The following THSD7B variants were observed in gnomAD, a reference collection of about 807,000 sequenced individuals.
THSD7B encodes the protein thrombospondin type-1 domain-containing protein 7B.
A neutral mutation model predicts 213.6 loss-of-function variants in THSD7B; 138 were observed. The ratio of observed to expected loss-of-function variants is 0.65; its 90% CI spans 0.56 to 0.74. The LOEUF is 0.74. Among genes scored for constraint, THSD7B ranks in the 30% least tolerant of loss-of-function variants. The probability of loss-of-function intolerance (pLI) is 0.00; values close to 1 mark genes in which losing one functional copy is unlikely to be tolerated. For synonymous variants in THSD7B, 742 were observed against 687.0 expected (o/e 1.08, Z -1.25); for missense variants, 1,931 against 1,991.5 (o/e 0.97, Z 0.58).
rs191115373 is a variant in THSD7B at position 137,653,047 on chromosome 2, C to T, written c.3946-2454C>T. The stretch of plus-strand genomic sequence containing the variant: ...ATGTGCTTAATTTTTCCTGTGATTT[C>T]GTTTTGCACATTTGTGTTTTGTTCT... On this transcript the variant is annotated intron_variant, in intron 21 of 27. Coordinates refer to ENST00000409968, the MANE Select transcript of THSD7B (RefSeq NM_001316349.2). Among the ~76,000 whole-genome samples the T allele has an allele frequency of 8.5e-4, 129 of 152,174 alleles. 2 individuals carry two copies. Among genetic ancestry groups the T allele is most frequent in the African/African-American group, 3.0e-3 (123 of 41,520 alleles).
intron 7 of THSD7B, among the ~76,000 whole-genome samples, chr2:137,204,782 G>A (rs1680948954): frequency 6.6e-6 from 1 of 151,708 alleles, no homozygotes; most frequent in Non-Finnish European, 1.5e-5. Flanking sequence ...ATGATTTGCA[G>A]TATGTGTCAT....
intron 20 of THSD7B, among the ~76,000 whole-genome samples, chr2:137,636,865 T>C (rs1682842558): frequency 6.6e-6 from 1 of 152,218 alleles, no homozygotes; most frequent in Non-Finnish European, 1.5e-5. Flanking sequence ...TCTGTGTTTT[T>C]TCTATAGATA....
chr2:137,417,894 T>G lies in THSD7B; in HGVS notation c.2959+6022T>G, dbSNP rs147702363. The stretch of plus-strand genomic sequence containing the variant: ...CTCTCCCAGAAAGAAATAGAAACTT[T>G]TTAGTTATATGAAATTCTTGCCAAA... On this transcript the variant is annotated intron_variant, in intron 14 of 27. Transcript: ENST00000409968. Among the ~76,000 whole-genome samples the G allele has an allele frequency of 1.6e-4, 24 of 152,304 alleles. No homozygotes were observed. The East Asian group carries it at 4.6e-3, about 29-fold the overall frequency.
At chr2:137,054,755 A>C (rs540207793) in intron 2 of THSD7B, among the ~76,000 whole-genome samples, 1 of 151,146 alleles carries the variant, frequency 6.6e-6, no homozygotes, top group Admixed American at 6.6e-5. Context: ...TACCTAGTTA[A>C]GCTGATAAAA....
At chr2:137,352,736 G>A (rs1314402019) in intron 12 of THSD7B, among the ~76,000 whole-genome samples, 1 of 151,960 alleles carries the variant, frequency 6.6e-6, no homozygotes, top group Non-Finnish European at 1.5e-5. Flanking sequence ...GGTAACTGAT[G>A]TAGTGCTTCC....
rs376805206 is a variant in THSD7B, at chr2:137,618,420, C to A, written c.3594C>A (p.Asn1198Lys). The change falls in exon 19 of 28, where the codon AAC becomes AAA. Residue 1198 changes from asparagine (N) to lysine (K), a missense_variant. Physicochemically the swap from Asn to Lys is moderately conservative, Grantham distance 94. Coordinates refer to ENST00000409968, the MANE Select transcript of THSD7B (RefSeq NM_001316349.2). ...GGAGCACATGCCAGCTGAGTGAAAACGCACCCTGTGGTCAAGGCGTCAGGA... is the reference window on the plus strand; with the variant it reads ...GGAGCACATGCCAGCTGAGTGAAAAAGCACCCTGTGGTCAAGGCGTCAGGA... ...TEWSTCQLSENAPCGQGVRTR... is the reference protein window; with the variant it reads ...TEWSTCQLSEKAPCGQGVRTR... 5 of 1,613,710 alleles carry A rather than the reference C, an allele frequency of 3.1e-6. No homozygotes were observed. The highest frequency in any genetic ancestry group is 1.3e-5 in the African/African-American group (1 of 74,922).
At chr2:137,207,941 A>C (rs1051654082) in intron 7 of THSD7B, among the ~76,000 whole-genome samples, 2 of 152,050 alleles carry the variant, frequency 1.3e-5, no homozygotes, top group East Asian at 3.9e-4. Flanking sequence ...TAAAGAGTTT[A>C]ATTAATGCAA....
chr2:137,299,585 G>A (rs1020680267), intron 12 of THSD7B, among the ~76,000 whole-genome samples: 9 of 152,074 alleles, frequency 5.9e-5, no homozygotes, highest in African/African-American at 2.2e-4. Context: ...CTCAGAGGGT[G>A]AGGCTACAAA....
intron 5 of THSD7B, among the ~76,000 whole-genome samples, chr2:137,121,419 G>A (rs1688544028): frequency 6.6e-6 from 1 of 152,148 alleles, no homozygotes; most frequent in African/African-American, 2.4e-5. Flanking sequence ...GGAAGAACAT[G>A]TGCAATGTGT....
chr2:137,658,767 CA>C (rs1394153875), intron 24 of THSD7B, among the ~76,000 whole-genome samples: 1 of 152,160 alleles, frequency 6.6e-6, no homozygotes, highest in African/African-American at 2.4e-5. Context: ...GCTTCATTCC[CA>C]GGGACAATGT....
At chr2:137,593,650 T>G (rs1681905671) in intron 17 of THSD7B, among the ~76,000 whole-genome samples, 1 of 152,012 alleles carries the variant, frequency 6.6e-6, no homozygotes, top group South Asian at 2.1e-4. Flanking sequence ...TTAAATAAGT[T>G]ATTTGTATAT....
At chr2:136,894,036 C>A (rs1227028629) in intron 2 of THSD7B, among the ~76,000 whole-genome samples, 2 of 152,116 alleles carry the variant, frequency 1.3e-5, no homozygotes, top group African/African-American at 4.8e-5. Flanking sequence ...TTACATTGAT[C>A]ATTTTCCCCC....
At chr2:137,148,632 T>C (rs1558938439) in intron 5 of THSD7B, among the ~76,000 whole-genome samples, 1 of 152,126 alleles carries the variant, frequency 6.6e-6, no homozygotes, top group Non-Finnish European at 1.5e-5. Flanking sequence ...GCTGAGGTGG[T>C]ATCAGATGGA....
Position 137,531,956 on chromosome 2 carries a change from A to G in THSD7B, c.3139-31265A>G, listed in dbSNP as rs1463664685. 2.6e-5 allele frequency among the ~76,000 whole-genome samples: 4 copies of G among 151,974 alleles called. No homozygotes were observed. The East Asian group carries it at 7.8e-4, about 29-fold the overall frequency. On this transcript the variant is annotated intron_variant, in intron 15 of 27. Coordinates refer to ENST00000409968, the MANE Select transcript of THSD7B (RefSeq NM_001316349.2). ...GCACAAGTCTGGGGCTCATAGCCAA[A>G]TAGAGATAATTAGCCTTCTACAATA...
chr2:137,005,774 C>A (rs11900492), intron 2 of THSD7B, among the ~76,000 whole-genome samples: 3,152 of 152,048 alleles, frequency 0.021, 49 homozygotes, highest in East Asian at 0.075. Context: ...TGAAATTTCA[C>A]CTTCTAAAGA....
chr2:137,404,504 CACAT>C (rs202033428), intron 12 of THSD7B, among the ~76,000 whole-genome samples: 1,663 of 128,582 alleles, frequency 0.013, 30 homozygotes, highest in Non-Finnish European at 0.02. Context: ...CACACACACA[CACAT>C]ATATGTATAT....
At chr2:137,647,294 C>T (rs989120767) in intron 21 of THSD7B, among the ~76,000 whole-genome samples, 4 of 152,122 alleles carry the variant, frequency 2.6e-5, no homozygotes, top group African/African-American at 9.7e-5. Flanking sequence ...TTTTCAAGTG[C>T]ATAGTTGTCA....
At chr2:137,048,235 C>T (rs564661096) in intron 2 of THSD7B, among the ~76,000 whole-genome samples, 4 of 152,058 alleles carry the variant, frequency 2.6e-5, no homozygotes, top group Non-Finnish European at 5.9e-5. Flanking sequence ...GTAAACTACT[C>T]AGTTACAATG....
At chr2:136,917,359 TGG>T (rs1421217497) in intron 2 of THSD7B, among the ~76,000 whole-genome samples, 1 of 152,210 alleles carries the variant, frequency 6.6e-6, no homozygotes, top group Non-Finnish European at 1.5e-5. Context: ...CAGATTTTAT[TGG>T]GTTGTTTTAG....
Sources: allele counts gnomAD v4.1 joint callset (sites outside exome capture counted in the v4.1 genomes callset), GRCh38; gene constraint gnomAD v4.1.1; transcripts MANE v1.5; gene names NCBI Gene and HGNC (gene_info 2026-07-23, HGNC 2026-07-21).